EPHA6: variants seen among roughly 807,000 people sequenced by gnomAD.
EPHA6 encodes the protein ephrin type-A receptor 6.
In EPHA6, 50 loss-of-function variants were observed where a neutral mutation model predicts 112.0. The observed-to-expected ratio is 0.45, with a 90% CI of 0.36 to 0.56. EPHA6 has a LOEUF of 0.56. EPHA6 is among the 20% of genes least tolerant of loss of function. The pLI is 0.00. For synonymous variants in EPHA6, 529 were observed against 490.7 expected (o/e 1.08, Z -1.03); for missense variants, 1,280 against 1,417.4 (o/e 0.90, Z 1.56).
chr3:97,627,327 T>C (rs994871317), intron 13 of EPHA6, among the ~76,000 whole-genome samples: 1 of 151,648 alleles, frequency 6.6e-6, no homozygotes, highest in South Asian at 2.1e-4. Context: ...ATTATTGCTG[T>C]GGAGAAAAAT....
intron 5 of EPHA6, among the ~76,000 whole-genome samples, chr3:97,402,515 G>C (rs1308018937): frequency 2.0e-5 from 3 of 151,884 alleles, no homozygotes; most frequent in Non-Finnish European, 2.9e-5. Flanking sequence ...TTCACTTTCA[G>C]TCTATTTGTG....
chr3:97,051,003 T>C (rs2045667892), intron 3 of EPHA6, among the ~76,000 whole-genome samples: 1 of 152,180 alleles, frequency 6.6e-6, no homozygotes, highest in African/African-American at 2.4e-5. Context: ...GAGGCTTCTA[T>C]TGAATGAAAA....
At chr3:97,612,485 AT>A in intron 13 of EPHA6, 1 of 341,154 alleles carries the variant, frequency 2.9e-6, no homozygotes. Context: ...GGTGGGAAAT[AT>A]TAGCTTCTCC....
chr3:97,703,974 G>C lies in EPHA6; in HGVS notation c.2785-16287G>C, dbSNP rs374396723. ...ACAAAACAAAACAAAAACAAAAGTT[G>C]AATACTTTTCCTTCTTGCCCTTCAG... On this transcript the variant is annotated intron_variant, in intron 14 of 17. Transcript: ENST00000389672. 1.1e-3 allele frequency among the ~76,000 whole-genome samples: 168 copies of C among 152,112 alleles called. 2 individuals are homozygous for C. The South Asian group carries it at 0.012, about 11-fold the overall frequency.
intron 5 of EPHA6, among the ~76,000 whole-genome samples, chr3:97,354,383 CAG>C: frequency 6.6e-6 from 1 of 152,060 alleles, no homozygotes; most frequent in East Asian, 1.9e-4. Context: ...CAAGACAAGA[CAG>C]AGAAGAAATT....
At chr3:97,530,675 T>C (rs1229548933) in intron 10 of EPHA6, among the ~76,000 whole-genome samples, 1 of 152,006 alleles carries the variant, frequency 6.6e-6, no homozygotes, top group African/African-American at 2.4e-5. Flanking sequence ...TCATATGCAC[T>C]GAATTTTCAG....
At chr3:97,189,424 A>G (rs2077242621) in intron 3 of EPHA6, among the ~76,000 whole-genome samples, 1 of 152,118 alleles carries the variant, frequency 6.6e-6, no homozygotes, top group Non-Finnish European at 1.5e-5. Flanking sequence ...CTTATAGAGA[A>G]CAAGGAGCAG....
intron 15 of EPHA6, among the ~76,000 whole-genome samples, chr3:97,724,207 G>A (rs940732899): frequency 1.3e-5 from 2 of 151,998 alleles, no homozygotes; most frequent in Non-Finnish European, 2.9e-5. Context: ...GAGTTTCTCC[G>A]TTCTGCAGAC....
chr3:96,972,434 C>G (rs74426503), intron 2 of EPHA6, among the ~76,000 whole-genome samples: 2 of 130,226 alleles, frequency 1.5e-5, no homozygotes, highest in Non-Finnish European at 3.5e-5. Context: ...AACACACACA[C>G]ACACACACAC....
At chr3:97,527,201 C>T (rs897929336) in intron 10 of EPHA6, among the ~76,000 whole-genome samples, 2 of 152,102 alleles carry the variant, frequency 1.3e-5, no homozygotes, top group African/African-American at 4.8e-5. Context: ...GAAGCAGGCT[C>T]AAGCACAAAC....
chr3:97,106,715 A>G (rs747835061), intron 3 of EPHA6, among the ~76,000 whole-genome samples: 2 of 152,106 alleles, frequency 1.3e-5, no homozygotes, highest in Non-Finnish European at 2.9e-5. Context: ...ACTGATGGCT[A>G]AACTAAAAGA....
chr3:97,634,355 T>C (rs148249123), intron 13 of EPHA6, among the ~76,000 whole-genome samples: 80 of 152,112 alleles, frequency 5.3e-4, no homozygotes, highest in African/African-American at 1.4e-3. Context: ...CAAAAGCATA[T>C]AGAACTATTT....
rs1018256065 is a variant in EPHA6, at chr3:97,759,581, A to G, written c.*10880A>G. On this transcript the variant is annotated 3_prime_UTR_variant, in exon 18 of 18. Coordinates refer to ENST00000389672, the MANE Select transcript of EPHA6 (RefSeq NM_001080448.3). The stretch of plus-strand genomic sequence containing the variant: ...AGATAGAGGGGTTGCGATTTAAAGC[A>G]TAAGTAGGGAGGTTAATTTTTGATA... The G allele has an allele frequency of 4.3e-6, 1 of 231,214 alleles. No individual in the cohort carries two copies. The highest frequency in any genetic ancestry group is 8.6e-6 in the Non-Finnish European group (1 of 116,730). 14.3% of individuals were successfully genotyped at this position (231,214 alleles called of 1,614,324 possible).
intron 11 of EPHA6, among the ~76,000 whole-genome samples, chr3:97,570,589 G>A (rs1482820023): frequency 6.6e-6 from 1 of 152,066 alleles, no homozygotes; most frequent in Non-Finnish European, 1.5e-5. Context: ...AATTAGCTGG[G>A]CATGGTGGCA....
intron 3 of EPHA6, among the ~76,000 whole-genome samples, chr3:97,071,846 A>G (rs751867890): frequency 5.9e-5 from 9 of 151,864 alleles, no homozygotes; most frequent in Non-Finnish European, 1.2e-4. Context: ...CCTGTACCCA[A>G]TTTTAGTCTT....
intron 2 of EPHA6, among the ~76,000 whole-genome samples, chr3:96,914,240 T>C (rs2107610860): frequency 6.6e-6 from 1 of 152,310 alleles, no homozygotes; most frequent in East Asian, 1.9e-4. Flanking sequence ...GGGATATTGA[T>C]GAATTGTAGA....
chr3:97,184,453 TC>T (rs1403910289), intron 3 of EPHA6, among the ~76,000 whole-genome samples: 2 of 152,116 alleles, frequency 1.3e-5, no homozygotes, highest in Non-Finnish European at 2.9e-5. Flanking sequence ...ATCAGTGAAC[TC>T]CCATTCACAA....
intron 8 of EPHA6, among the ~76,000 whole-genome samples, chr3:97,476,238 T>A (rs1240288877): frequency 1.3e-5 from 2 of 152,106 alleles, no homozygotes; most frequent in Non-Finnish European, 2.9e-5. Flanking sequence ...TATTCTCAGA[T>A]CATTCTAACA....
chr3:96,827,845 A>T (rs2033769632), intron 1 of EPHA6, among the ~76,000 whole-genome samples: 1 of 152,154 alleles, frequency 6.6e-6, no homozygotes, highest in South Asian at 2.1e-4. Flanking sequence ...AAATGGATAG[A>T]CTTGTTTGGC....
Sources: allele counts gnomAD v4.1 joint callset (sites outside exome capture counted in the v4.1 genomes callset), GRCh38; gene constraint gnomAD v4.1.1; transcripts MANE v1.5; gene names NCBI Gene and HGNC (gene_info 2026-07-23, HGNC 2026-07-21).